The following GAB2 variants were observed in gnomAD, a reference collection of about 807,000 sequenced individuals.
GAB2 encodes GRB2 associated binding protein 2, also known as GRB2-associated-binding protein 2.
A neutral mutation model predicts 65.5 loss-of-function variants in GAB2; 26 were observed. The ratio of observed to expected loss-of-function variants is 0.40; its 90% CI spans 0.29 to 0.55. The LOEUF (loss-of-function observed/expected upper bound fraction) is 0.55, where lower values mean the gene tolerates loss of function less well. Among genes scored for constraint, GAB2 ranks in the 20% least tolerant of loss-of-function variants. The pLI is 0.53. For missense variants in GAB2, 884 were observed against 875.8 expected (o/e 1.01, Z -0.12); for synonymous variants, 321 against 329.6 (o/e 0.97, Z 0.28).
intron 2 of GAB2, among the ~76,000 whole-genome samples, chr11:78,257,722 GGACAACAGT>G (rs1371805165): frequency 2.6e-5 from 4 of 152,104 alleles, no homozygotes; most frequent in African/African-American, 9.7e-5. Flanking sequence ...AGAACCAAAA[GGACAACAGT>G]GACTGTGGTA....
rs1284314149 is a variant in GAB2 at position 78,220,430 on chromosome 11, A to G, written c.1776T>C (p.Ser592=). Residue 592 remains serine, a synonymous_variant, in exon 9 of 10, where the codon TCT becomes TCC. Coordinates refer to ENST00000361507, the MANE Select transcript of GAB2 (RefSeq NM_080491.3). ...TCGTGCCACTGGGAACGGGAGATGC[A>G]GACACTGGGTTTTGCTGTCACGAGG... ...ENYVPMQNPV[S]ASPVPSGTNS... is the part of the protein sequence containing the mutation. 34 of 1,581,938 alleles carry G rather than the reference A, an allele frequency of 2.1e-5. No individual in the cohort carries two copies. Among genetic ancestry groups the G allele is most frequent in the Non-Finnish European group, 2.7e-5 (31 of 1,156,934 alleles).
intron 3 of GAB2, among the ~76,000 whole-genome samples, chr11:78,245,202 G>T (rs770115398): frequency 2.0e-5 from 3 of 152,126 alleles, no homozygotes; most frequent in Non-Finnish European, 2.9e-5. Flanking sequence ...TTTCAGTTTG[G>T]TAAGATGAAA....
At chr11:78,362,114 T>C (rs1006147107) in intron 1 of GAB2, among the ~76,000 whole-genome samples, 2 of 151,806 alleles carry the variant, frequency 1.3e-5, no homozygotes, top group Non-Finnish European at 2.9e-5. Context: ...GAGAAAGTTG[T>C]CCTTTATTTG....
chr11:78,416,777 G>GT (rs1284354875), intron 1 of GAB2, among the ~76,000 whole-genome samples: 2 of 137,356 alleles, frequency 1.5e-5, no homozygotes, highest in Admixed American at 1.5e-4. Context: ...GGGGAGAGGG[G>GT]TTAAAAAAAA....
intron 1 of GAB2, among the ~76,000 whole-genome samples, chr11:78,384,623 C>A (rs1295558698): frequency 1.3e-5 from 2 of 152,198 alleles, no homozygotes; most frequent in Admixed American, 6.5e-5. Context: ...AATGAGGTCA[C>A]AGCCCATGAG....
At chr11:78,409,284 T>C (rs1463038308) in intron 1 of GAB2, among the ~76,000 whole-genome samples, 2 of 152,002 alleles carry the variant, frequency 1.3e-5, no homozygotes, top group Non-Finnish European at 2.9e-5. Context: ...ATTCTAAATG[T>C]GTATATATTG....
At chr11:78,400,933 T>C (rs569900599) in intron 1 of GAB2, among the ~76,000 whole-genome samples, 7 of 147,832 alleles carry the variant, frequency 4.7e-5, no homozygotes, top group African/African-American at 1.7e-4. Context: ...AAAAAGGTTG[T>C]TTCATTAAGC....
intron 2 of GAB2, among the ~76,000 whole-genome samples, chr11:78,266,710 TAGAGGAGGCAGAGAGAATCACTA>T (rs1170935691): frequency 1.3e-5 from 2 of 152,038 alleles, no homozygotes; most frequent in Non-Finnish European, 2.9e-5. Context: ...GAAGCAGACA[TAGAGGAGGCAGAGAGAATCACTA>T]AGAGGAGTTC....
chr11:78,277,159 G>A (rs1462099695), intron 2 of GAB2, among the ~76,000 whole-genome samples: 1 of 152,138 alleles, frequency 6.6e-6, no homozygotes, highest in African/African-American at 2.4e-5. Context: ...AGTAATTTTT[G>A]CCACATCTCA....
chr11:78,390,444 C>A (rs558399315), intron 1 of GAB2, among the ~76,000 whole-genome samples: 1 of 152,164 alleles, frequency 6.6e-6, no homozygotes, highest in Non-Finnish European at 1.5e-5. Flanking sequence ...TAAAAATTAG[C>A]TGAGTATGGT....
chr11:78,366,395 C>T (rs1856497425), intron 1 of GAB2, among the ~76,000 whole-genome samples: 1 of 151,904 alleles, frequency 6.6e-6, no homozygotes, highest in Non-Finnish European at 1.5e-5. Flanking sequence ...GCCTGGCCAA[C>T]ATGGCGAAAT....
chr11:78,292,029 TGA>T (rs1554984350), intron 1 of GAB2, among the ~76,000 whole-genome samples: 38 of 105,996 alleles, frequency 3.6e-4, no homozygotes, highest in South Asian at 1.2e-3. Flanking sequence ...TGTGTGTGTG[TGA>T]GAGAGAGAGA....
At chr11:78,364,302 G>A (rs1399782642) in intron 1 of GAB2, among the ~76,000 whole-genome samples, 1 of 152,056 alleles carries the variant, frequency 6.6e-6, no homozygotes, top group African/African-American at 2.4e-5. Flanking sequence ...ACCGCATGTG[G>A]CTCCCACATT....
chr11:78,264,321 T>A (rs150854851), intron 2 of GAB2, among the ~76,000 whole-genome samples: 1 of 152,024 alleles, frequency 6.6e-6, no homozygotes, highest in Non-Finnish European at 1.5e-5. Flanking sequence ...TGTACAGAGA[T>A]CTAGGATGGC....
chr11:78,366,631 T>C (rs1333338513), intron 1 of GAB2, among the ~76,000 whole-genome samples: 9 of 132,124 alleles, frequency 6.8e-5, no homozygotes, highest in Admixed American at 7.6e-5. Flanking sequence ...AAATAGAATA[T>C]GCACAAAGTG....
intron 3 of GAB2, among the ~76,000 whole-genome samples, chr11:78,249,944 T>C (rs1288370013): frequency 6.6e-6 from 1 of 151,874 alleles, no homozygotes; most frequent in Non-Finnish European, 1.5e-5. Flanking sequence ...TAATGAAAAG[T>C]TTCTCTGGCA....
chr11:78,275,493 G>C (rs559604668), intron 2 of GAB2, among the ~76,000 whole-genome samples: 11 of 151,534 alleles, frequency 7.3e-5, no homozygotes, highest in Non-Finnish European at 1.6e-4. Context: ...AGGTTTTACA[G>C]ATATAATCCA....
rs1301742872 is a variant in GAB2 at position 78,257,044 on chromosome 11, GC to G, written c.377-6645del. Among the ~76,000 whole-genome samples the G allele has an allele frequency of 2.6e-5, 4 of 151,682 alleles. No individual in the cohort carries two copies. In the East Asian group the frequency reaches 7.8e-4, roughly 29 times the overall value. On this transcript the variant is annotated intron_variant, in intron 2 of 9. Coordinates refer to ENST00000361507, the MANE Select transcript of GAB2 (RefSeq NM_080491.3). ...TTCTTCTTCCTGGCTTCTTTTTAGG[GC>G]CCTACAGAATCACTCCCCTTCCTTT... is the stretch of plus-strand genomic sequence containing the variant.
chr11:78,220,227 G>C, intron 9 of GAB2, 92 bp downstream of exon 9: 1 of 1,341,314 alleles, frequency 7.5e-7, no homozygotes, highest in Non-Finnish European at 1.0e-6. Flanking sequence ...GCTGAGTGCT[G>C]CTGTTCAGTG....
Sources: allele counts gnomAD v4.1 joint callset (sites outside exome capture counted in the v4.1 genomes callset), GRCh38; gene constraint gnomAD v4.1.1; transcripts MANE v1.5; gene names NCBI Gene and HGNC (gene_info 2026-07-23, HGNC 2026-07-21).